Variants in HGF observed in about 807,000 individuals in gnomAD.
HGF encodes hepatocyte growth factor, also known as fibroblast-derived tumor cytotoxic factor.
A neutral mutation model predicts 111.6 loss-of-function variants in HGF; 39 were observed. That is an observed-to-expected ratio of 0.35 (90% confidence interval 0.27 to 0.46). The LOEUF is 0.46. HGF is among the 20% of genes least tolerant of loss of function. HGF has a pLI of 1.00. For synonymous variants in HGF, 285 were observed against 294.8 expected (o/e 0.97, Z 0.34); for missense variants, 735 against 910.5 (o/e 0.81, Z 2.48).
At chr7:81,717,004 C>T (rs1789729924) in intron 11 of HGF, among the ~76,000 whole-genome samples, 1 of 152,020 alleles carries the variant, frequency 6.6e-6, no homozygotes, top group Non-Finnish European at 1.5e-5. Flanking sequence ...AAGAGAATCT[C>T]CATTAAAATG....
intron 16 of HGF, 52 bp from the exon 17 acceptor site, chr7:81,705,587 A>T (rs2115763650): frequency 6.2e-7 from 1 of 1,603,120 alleles, no homozygotes; most frequent in Non-Finnish European, 8.5e-7. Flanking sequence ...AGAAACAAAG[A>T]CAAATGTGTT....
rs562134679 is a variant in HGF, at chr7:81,748,779, T to C, written c.625+3341A>G. 5.3e-5 allele frequency among the ~76,000 whole-genome samples: 8 copies of C among 152,288 alleles called. No individual in the cohort carries two copies. In the South Asian group the frequency reaches 1.4e-3, roughly 28 times the overall value. Reference sequence around the variant, plus strand: ...GGTTCAATATTTGTTCTAAGTACAGTTCTGGACTGAATAATAGTAGAATAC... The same window carrying C: ...GGTTCAATATTTGTTCTAAGTACAGCTCTGGACTGAATAATAGTAGAATAC... On this transcript the variant is annotated intron_variant, in intron 5 of 17. Transcript: ENST00000222390.
In HGF at chr7:81,705,496, T is replaced by C. The variant is rs565056780; in HGVS notation, c.1904A>G (p.Tyr635Cys). The C allele has an allele frequency of 9.9e-6, 16 of 1,612,608 alleles. No individual in the cohort carries two copies. Among genetic ancestry groups the C allele is most frequent in the South Asian group, 7.7e-5 (7 of 91,058 alleles). The change falls in exon 17 of 18, where the codon TAT becomes TGT. Residue 635 changes from tyrosine (Y) to cysteine (C), a missense_variant. By Grantham distance (194) the Tyr-to-Cys change is radical. Transcript: ENST00000222390. ...GCTGCATTTCTCATTTCCCATTATATAGAGATGTGCCACTCGTAATAGGCC... is the reference window on the plus strand; with the variant it reads ...GCTGCATTTCTCATTTCCCATTATACAGAGATGTGCCACTCGTAATAGGCC... ...YDGLLRVAHL[Y>C]IMGNEKCSQH...
At chr7:81,740,478 T>A (rs1411369306) in intron 7 of HGF, among the ~76,000 whole-genome samples, 1 of 152,210 alleles carries the variant, frequency 6.6e-6, no homozygotes, top group Non-Finnish European at 1.5e-5. Flanking sequence ...AGAACTACTC[T>A]TGTGATTAGG....
In HGF at chr7:81,745,031, T is replaced by C. The variant is rs761186765; in HGVS notation, c.715A>G (p.Thr239Ala). The change falls in exon 6 of 18, where the codon ACA becomes GCA. Residue 239 changes from threonine (T) to alanine (A), a missense_variant. This residue lies in a region of HGF where 553 missense variants were observed against 685.6 expected (regional missense o/e 0.81). Coordinates refer to ENST00000222390, the MANE Select transcript of HGF (RefSeq NM_000601.6). ...GGCAAGAATTTGTGCCGGTGTGGTG[T>C]CTGATGATCCCAGCGCTGACAAATC... Reference protein sequence around the residue: ...GKICQRWDHQTPHRHKFLPER... With the variant: ...GKICQRWDHQAPHRHKFLPER... 2 of 1,614,078 alleles carry C rather than the reference T, an allele frequency of 1.2e-6. No individual in the cohort carries two copies. The highest frequency in any genetic ancestry group is 2.2e-5 in the South Asian group (2 of 91,080).
At chr7:81,757,438 A>C in intron 3 of HGF, 135 bp from the exon 4 acceptor site, 1 of 647,938 alleles carries the variant, frequency 1.5e-6, no homozygotes, top group East Asian at 2.7e-5. Flanking sequence ...TCTTGCCTAA[A>C]GCTTCTACTA....
At chr7:81,730,850 G>A (rs1437378820) in intron 7 of HGF, among the ~76,000 whole-genome samples, 2 of 152,104 alleles carry the variant, frequency 1.3e-5, no homozygotes, top group African/African-American at 4.8e-5. Context: ...GCCTCTGGAT[G>A]AAACTCAAGT....
At chr7:81,741,567 ATG>A (rs1233529310) in intron 7 of HGF, among the ~76,000 whole-genome samples, 7 of 144,068 alleles carry the variant, frequency 4.9e-5, no homozygotes, top group Non-Finnish European at 7.6e-5. Flanking sequence ...GTGAGTGTGT[ATG>A]TGTGTGTGTG....
intron 8 of HGF, among the ~76,000 whole-genome samples, chr7:81,728,077 T>G (rs1252414354): frequency 6.6e-6 from 1 of 152,194 alleles, no homozygotes; most frequent in Non-Finnish European, 1.5e-5. Flanking sequence ...ATATTTCATG[T>G]TTAATGTTTA....
intron 1 of HGF, among the ~76,000 whole-genome samples, chr7:81,764,383 T>C (rs1162274230): frequency 1.3e-5 from 2 of 152,166 alleles, no homozygotes; most frequent in Non-Finnish European, 2.9e-5. Context: ...GATGCTTTCA[T>C]TTTTAATTTT....
chr7:81,727,451 T>G (rs1197689193), intron 8 of HGF, among the ~76,000 whole-genome samples: 1 of 152,138 alleles, frequency 6.6e-6, no homozygotes, highest in Non-Finnish European at 1.5e-5. Context: ...TTTAAGGATA[T>G]GAGAACATCG....
Position 81,726,034 on chromosome 7 carries a change from T to C in HGF, c.1041-17A>G, listed in dbSNP as rs375614825. Reference sequence around the variant, plus strand: ...CGTAGGTCCCTATTGAGAATAAGCATGTTAATGTAAATTGCCGGAGTTCTT... The same window carrying C: ...CGTAGGTCCCTATTGAGAATAAGCACGTTAATGTAAATTGCCGGAGTTCTT... On this transcript the variant is annotated splice_polypyrimidine_tract_variant and intron_variant, in intron 8 of 17. Coordinates refer to ENST00000222390, the MANE Select transcript of HGF (RefSeq NM_000601.6). The C allele has an allele frequency of 5.3e-5, 86 of 1,613,572 alleles. No individual in the cohort carries two copies. Among genetic ancestry groups the C allele is most frequent in the Non-Finnish European group, 6.7e-5 (79 of 1,179,604 alleles).
chr7:81,742,001 A>T (rs1339985714), intron 7 of HGF, among the ~76,000 whole-genome samples: 1 of 151,820 alleles, frequency 6.6e-6, no homozygotes, highest in African/African-American at 2.4e-5. Flanking sequence ...ACAAAAAATC[A>T]GAAGGGAAAC....
At chr7:81,713,122 A>AT (rs1407752483) in intron 11 of HGF, among the ~76,000 whole-genome samples, 1 of 152,268 alleles carries the variant, frequency 6.6e-6, no homozygotes, top group East Asian at 1.9e-4. Flanking sequence ...AAGACTGGTT[A>AT]TTTGTTCTAT....
Position 81,700,006 on chromosome 7 carries a change from A to C in HGF, c.*2575T>G, listed in dbSNP as rs2115728761. 1 of 151,910 alleles carries C rather than the reference A, an allele frequency of 6.6e-6. No individual in the cohort carries two copies. The highest frequency in any genetic ancestry group is 2.1e-4 in the South Asian group (1 of 4,830). The allele number at this position is 151,910 out of a possible 1,614,324, so 9.4% of individuals were successfully genotyped here. ...GCACGGCAGAGGCATTATGAAAAATATTTTAGTTTTACACTTCAATTCCTG... is the reference window on the plus strand; with the variant it reads ...GCACGGCAGAGGCATTATGAAAAATCTTTTAGTTTTACACTTCAATTCCTG... On this transcript the variant is annotated 3_prime_UTR_variant, in exon 18 of 18. Coordinates refer to ENST00000222390, the MANE Select transcript of HGF (RefSeq NM_000601.6).
intron 1 of HGF, among the ~76,000 whole-genome samples, chr7:81,767,702 G>A (rs1002731433): frequency 1.3e-5 from 2 of 152,104 alleles, no homozygotes; most frequent in African/African-American, 4.8e-5. Context: ...TATCTCCATA[G>A]TGTATTCTGT....
At chr7:81,702,843 G>C in intron 17 of HGF, 86 bp from the exon 18 acceptor site, 1 of 1,093,074 alleles carries the variant, frequency 9.1e-7, no homozygotes, top group Non-Finnish European at 1.4e-6. Flanking sequence ...TTGCATCTCA[G>C]AGATATATAC....
chr7:81,721,819 C>CA (rs111813392), intron 9 of HGF, among the ~76,000 whole-genome samples: 84 of 152,144 alleles, frequency 5.5e-4, no homozygotes, highest in African/African-American at 2.0e-3. Context: ...CTGTATTTAA[C>CA]AAAAAAATCG....
intron 5 of HGF, 22 bp from the exon 6 acceptor site, chr7:81,745,142 A>G: frequency 6.2e-7 from 1 of 1,612,960 alleles, no homozygotes; most frequent in South Asian, 1.1e-5. Flanking sequence ...AAAGTATGGC[A>G]TGTTAATTGT....
Sources: gnomAD v4.1 joint callset for allele counts (sites outside exome capture counted in the v4.1 genomes callset) on GRCh38, gnomAD v4.1.1 for gene constraint, gnomAD v4.1.1 regional missense constraint, MANE v1.5 for transcripts, NCBI Gene and HGNC (gene_info 2026-07-23, HGNC 2026-07-21) for gene names.